RASGEF1C: variants seen among roughly 807,000 people sequenced by gnomAD.
RASGEF1C encodes the protein RasGEF domain family member 1C, also known as ras-GEF domain-containing family member 1C.
Under a neutral mutation model 58.1 loss-of-function variants are expected in RASGEF1C, and 27 were observed. That is an observed-to-expected ratio of 0.46 (90% confidence interval 0.34 to 0.64). The LOEUF is 0.64. Among genes scored for constraint, RASGEF1C ranks in the 30% least tolerant of loss-of-function variants. RASGEF1C has a pLI of 0.01. For synonymous variants in RASGEF1C, 243 were observed against 246.3 expected, an observed-to-expected ratio of 0.99 and a Z score of 0.13; for missense variants, 502 against 605.1, an observed-to-expected ratio of 0.83 and a Z score of 1.79.
intron 12 of RASGEF1C, among the ~76,000 whole-genome samples, chr5:180,106,738 T>A (rs1765879926): frequency 6.6e-6 from 1 of 152,216 alleles, no homozygotes; most frequent in Non-Finnish European, 1.5e-5. Flanking sequence ...AAATGTGTGT[T>A]CTACTGCACT....
chr5:180,142,034 C>T (rs943675465), intron 1 of RASGEF1C, among the ~76,000 whole-genome samples: 1 of 152,144 alleles, frequency 6.6e-6, no homozygotes, highest in African/African-American at 2.4e-5. Context: ...TGTTAAGTCT[C>T]CCATCTGTGT....
At chr5:180,161,189 A>G (rs921150031) in intron 1 of RASGEF1C, among the ~76,000 whole-genome samples, 2 of 152,230 alleles carry the variant, frequency 1.3e-5, no homozygotes, top group Non-Finnish European at 2.9e-5. Flanking sequence ...AAGTTCCCCC[A>G]CAGCCCCCAG....
intron 1 of RASGEF1C, among the ~76,000 whole-genome samples, chr5:180,191,378 A>G (rs758664390): frequency 7.3e-5 from 11 of 150,852 alleles, no homozygotes; most frequent in Non-Finnish European, 1.6e-4. Flanking sequence ...TTTTTTTGAG[A>G]CGGAGTCTAG....
chr5:180,121,971 G>T (rs191063775), intron 6 of RASGEF1C, among the ~76,000 whole-genome samples: 1 of 152,150 alleles, frequency 6.6e-6, no homozygotes, highest in Non-Finnish European at 1.5e-5. Flanking sequence ...CTGAAGTGCC[G>T]TCTAGTATTC....
chr5:180,140,617 G>A (rs1422167475), intron 1 of RASGEF1C, among the ~76,000 whole-genome samples: 1 of 152,188 alleles, frequency 6.6e-6, no homozygotes, highest in Non-Finnish European at 1.5e-5. Context: ...CCCTGCAGGC[G>A]TGCTGGTGCA....
At chr5:180,192,307 A>G (rs1219714415) in intron 1 of RASGEF1C, among the ~76,000 whole-genome samples, 1 of 152,226 alleles carries the variant, frequency 6.6e-6, no homozygotes, top group Non-Finnish European at 1.5e-5. Context: ...GAAGCTCCTG[A>G]CACCCACAGC....
chr5:180,191,640 G>T (rs1472612929), intron 1 of RASGEF1C, among the ~76,000 whole-genome samples: 1 of 152,238 alleles, frequency 6.6e-6, no homozygotes. Context: ...ACAGGCGTGA[G>T]CCACCGCGCC....
intron 11 of RASGEF1C, among the ~76,000 whole-genome samples, chr5:180,112,964 G>C (rs1345474877): frequency 2.0e-4 from 27 of 136,902 alleles, no homozygotes; most frequent in African/African-American, 4.3e-4. Context: ...CGGAGGGACC[G>C]GGGATGGACG....
chr5:180,188,097 T>C (rs1756073558), intron 1 of RASGEF1C, among the ~76,000 whole-genome samples: 1 of 152,192 alleles, frequency 6.6e-6, no homozygotes, highest in African/African-American at 2.4e-5. Context: ...CATCAACAGA[T>C]GCATGGATAA....
intron 1 of RASGEF1C, among the ~76,000 whole-genome samples, chr5:180,183,451 C>A (rs1490393112): frequency 1.3e-5 from 2 of 149,086 alleles, no homozygotes; most frequent in African/African-American, 5.0e-5. Context: ...AGGACATAAG[C>A]TAGAATCATA....
At chr5:180,123,830 C>G (rs1285428806) in intron 6 of RASGEF1C, among the ~76,000 whole-genome samples, 1 of 151,734 alleles carries the variant, frequency 6.6e-6, no homozygotes, top group Non-Finnish European at 1.5e-5. Flanking sequence ...GATAAAGAAA[C>G]AAAGAGAGGT....
intron 1 of RASGEF1C, among the ~76,000 whole-genome samples, chr5:180,159,198 G>A (rs978618723): frequency 3.3e-5 from 5 of 150,552 alleles, no homozygotes; most frequent in African/African-American, 9.8e-5. Flanking sequence ...GGAGTGCAAC[G>A]GCGCGATCTC....
intron 1 of RASGEF1C, among the ~76,000 whole-genome samples, chr5:180,149,585 A>T (rs1393616510): frequency 1.3e-5 from 2 of 151,062 alleles, no homozygotes; most frequent in Non-Finnish European, 3.0e-5. Flanking sequence ...CCTCCCAAGT[A>T]GCTGGGACTA....
chr5:180,127,270 G>A (rs1318313938), intron 6 of RASGEF1C, among the ~76,000 whole-genome samples: 10 of 152,010 alleles, frequency 6.6e-5, no homozygotes, highest in African/African-American at 2.4e-4. Context: ...ACGGGGTCCC[G>A]GAGCGCGCCA....
chr5:180,135,009 G>T, intron 4 of RASGEF1C, among the ~76,000 whole-genome samples: 1 of 147,878 alleles, frequency 6.8e-6, no homozygotes, highest in Non-Finnish European at 1.5e-5. Context: ...CTTCCCAGCC[G>T]GCCAGCCAGC....
intron 1 of RASGEF1C, among the ~76,000 whole-genome samples, chr5:180,183,119 G>T (rs140309262): frequency 1.3e-5 from 2 of 152,230 alleles, no homozygotes; most frequent in African/African-American, 4.8e-5. Context: ...TTTAAAAAAA[G>T]GTCAGATACT....
At chr5:180,157,419 C>T (rs10069846) in intron 1 of RASGEF1C, among the ~76,000 whole-genome samples, 63,212 of 151,442 alleles carry the variant, frequency 0.42, 13,464 homozygotes, top group South Asian at 0.5. Context: ...GTCGGGAGTT[C>T]GAGACCAGCT....
rs187367998 is a variant in RASGEF1C, at chr5:180,208,548, C to T, written c.-7+480G>A. ...AGGCCCTCTGATAGTGGCGCTGGTCCTTTCCTCAAATCCGATCCCATCCTC... is the reference window on the plus strand; with the variant it reads ...AGGCCCTCTGATAGTGGCGCTGGTCTTTTCCTCAAATCCGATCCCATCCTC... On this transcript the variant is annotated intron_variant, in intron 1 of 13. Transcript: ENST00000361132. Among the ~76,000 whole-genome samples, 495 of 152,300 alleles carry T rather than the reference C, an allele frequency of 3.3e-3. 10 individuals are homozygous for T. Among genetic ancestry groups the T allele is most frequent in the East Asian group, 0.021 (110 of 5,160 alleles).
rs981938364 is a variant in RASGEF1C at position 180,157,777 on chromosome 5, C to T, written c.-6-19719G>A. Among the ~76,000 whole-genome samples the T allele has an allele frequency of 5.8e-4, 88 of 152,020 alleles. 3 individuals are homozygous for T. The highest frequency in any genetic ancestry group is 3.2e-3 in the Middle Eastern group (1 of 316). On this transcript the variant is annotated intron_variant, in intron 1 of 13. Coordinates refer to ENST00000361132, the MANE Select transcript of RASGEF1C (RefSeq NM_175062.4). ...TCTGGAACATGAACATTTATGGAGG[C>T]AGTAGAAAGACCAATGGTTTCCAGG...
Sources: allele counts gnomAD v4.1 joint callset (sites outside exome capture counted in the v4.1 genomes callset), GRCh38; gene constraint gnomAD v4.1.1; transcripts MANE v1.5; gene names NCBI Gene and HGNC (gene_info 2026-07-23, HGNC 2026-07-21).